The following FRMD5 variants were observed in gnomAD, a reference collection of about 807,000 sequenced individuals.
FRMD5 encodes FERM domain-containing protein 5.
A neutral mutation model predicts 69.0 loss-of-function variants in FRMD5; 20 were observed. The ratio of observed to expected loss-of-function variants is 0.29; its 90% CI spans 0.20 to 0.42. The LOEUF (loss-of-function observed/expected upper bound fraction) is 0.42, where lower values mean the gene tolerates loss of function less well. Ranked by LOEUF, FRMD5 falls within the 10% of genes least tolerant of loss-of-function variation. FRMD5 has a pLI of 1.00. For synonymous variants in FRMD5, 271 were observed against 260.1 expected, an observed-to-expected ratio of 1.04 and a Z score of -0.40; for missense variants, 595 against 708.6, an observed-to-expected ratio of 0.84 and a Z score of 1.82.
chr15:43,915,928 C>T (rs2089378526), intron 4 of FRMD5, among the ~76,000 whole-genome samples: 1 of 152,040 alleles, frequency 6.6e-6, no homozygotes, highest in Non-Finnish European at 1.5e-5. Flanking sequence ...GAGGCTGGGC[C>T]CGGTATCTCC....
At chr15:44,024,232 T>C (rs1891336090) in intron 1 of FRMD5, among the ~76,000 whole-genome samples, 1 of 152,118 alleles carries the variant, frequency 6.6e-6, no homozygotes, top group Non-Finnish European at 1.5e-5. Flanking sequence ...TTTTTTTTTA[T>C]GATTTTCGAC....
chr15:44,180,683 G>A (rs1466425118), intron 1 of FRMD5, among the ~76,000 whole-genome samples: 5 of 152,260 alleles, frequency 3.3e-5, no homozygotes, highest in South Asian at 2.1e-4. Context: ...TACTCAGGAG[G>A]CTGAGGCAGG....
intron 1 of FRMD5, among the ~76,000 whole-genome samples, chr15:44,177,725 T>G (rs369872386): frequency 6.6e-6 from 1 of 152,134 alleles, no homozygotes; most frequent in South Asian, 2.1e-4. Context: ...GTAAATTGTA[T>G]CTCAAAAAAG....
intron 1 of FRMD5, among the ~76,000 whole-genome samples, chr15:44,165,216 C>T (rs551528363): frequency 8.6e-5 from 13 of 152,010 alleles, no homozygotes; most frequent in Middle Eastern, 3.4e-3. Context: ...GTCAGGAGTT[C>T]GAGACCAGCC....
intron 8 of FRMD5, among the ~76,000 whole-genome samples, chr15:43,890,995 C>G (rs567084946): frequency 6.6e-6 from 1 of 152,282 alleles, no homozygotes; most frequent in Non-Finnish European, 1.5e-5. Flanking sequence ...CTCATGAGCT[C>G]TCCTGGAGAA....
At chr15:44,172,910 A>G (rs1337515312) in intron 1 of FRMD5, among the ~76,000 whole-genome samples, 2 of 152,214 alleles carry the variant, frequency 1.3e-5, no homozygotes, top group African/African-American at 4.8e-5. Flanking sequence ...CTTCCATTTC[A>G]CCAACATTGT....
intron 10 of FRMD5, among the ~76,000 whole-genome samples, chr15:43,887,322 T>G (rs1043557513): frequency 9.9e-5 from 15 of 152,178 alleles, no homozygotes; most frequent in Admixed American, 7.8e-4. Context: ...TGCTTCTCTC[T>G]AGGTTCAGGT....
At chr15:43,991,701 A>T (rs1376634714) in intron 1 of FRMD5, among the ~76,000 whole-genome samples, 1 of 152,170 alleles carries the variant, frequency 6.6e-6, no homozygotes, top group Admixed American at 6.6e-5. Flanking sequence ...TCTCGTCTCT[A>T]TTAAAAATCA....
Position 43,917,535 on chromosome 15 carries a change from C to T in FRMD5, c.329+1924G>A, listed in dbSNP as rs536107761. Among the ~76,000 whole-genome samples, 11 of 152,236 alleles carry T rather than the reference C, an allele frequency of 7.2e-5. No homozygotes were observed. In the South Asian group the frequency reaches 1.9e-3, roughly 26 times the overall value. On this transcript the variant is annotated intron_variant, in intron 4 of 13. Coordinates refer to ENST00000417257, the MANE Select transcript of FRMD5 (RefSeq NM_032892.5). ...CCTCCCGAGTAGCTGGGATTACAGG[C>T]GTGATGGCCCGGCTAATTTTTGTAT...
chr15:44,054,207 C>T (rs1046126233), intron 1 of FRMD5, among the ~76,000 whole-genome samples: 1 of 152,176 alleles, frequency 6.6e-6, no homozygotes, highest in Admixed American at 6.5e-5. Flanking sequence ...ACATGACAAA[C>T]AGTGTTGTTT....
chr15:43,940,158 G>A (rs956211722), intron 1 of FRMD5, among the ~76,000 whole-genome samples: 4 of 152,272 alleles, frequency 2.6e-5, no homozygotes, highest in Admixed American at 6.5e-5. Flanking sequence ...GAGCCTGGGC[G>A]ACAGGGCAAA....
intron 1 of FRMD5, among the ~76,000 whole-genome samples, chr15:43,940,799 G>A (rs1178497257): frequency 2.6e-5 from 4 of 152,140 alleles, no homozygotes; most frequent in African/African-American, 9.7e-5. Flanking sequence ...AATTAGGAAT[G>A]GAGGATAATT....
intron 1 of FRMD5, among the ~76,000 whole-genome samples, chr15:44,095,748 C>T (rs903122899): frequency 1.1e-4 from 17 of 152,132 alleles, no homozygotes; most frequent in African/African-American, 4.1e-4. Flanking sequence ...CAACTGGAAA[C>T]CCACTAAGAT....
intron 1 of FRMD5, among the ~76,000 whole-genome samples, chr15:43,946,544 A>T (rs1375428741): frequency 1.3e-5 from 2 of 152,218 alleles, no homozygotes; most frequent in Admixed American, 1.3e-4. Context: ...CCTCTGGGGT[A>T]TCTCTAACAT....
chr15:44,141,316 T>G (rs549342230), intron 1 of FRMD5, among the ~76,000 whole-genome samples: 1 of 152,174 alleles, frequency 6.6e-6, no homozygotes, highest in Non-Finnish European at 1.5e-5. Flanking sequence ...CAAGACAATT[T>G]GAAAGAAAAA....
intron 1 of FRMD5, among the ~76,000 whole-genome samples, chr15:43,951,216 C>T (rs927911816): frequency 1.3e-5 from 2 of 151,956 alleles, no homozygotes; most frequent in African/African-American, 2.4e-5. Context: ...GTCAGGAGAT[C>T]GAGACCATCC....
At position 44,049,340 on chromosome 15, in the gene FRMD5, A is replaced by C. The variant is rs553463224; in HGVS notation, c.103-125031T>G. Reference sequence around the variant, plus strand: ...AGCTTCAAAGTAGCTTAAAGAAATAAGGCACACAAGAGTATAAGTAACCCA... The same window carrying C: ...AGCTTCAAAGTAGCTTAAAGAAATACGGCACACAAGAGTATAAGTAACCCA... On this transcript the variant is annotated intron_variant, in intron 1 of 13. Transcript: ENST00000417257. 3.9e-5 allele frequency among the ~76,000 whole-genome samples: 6 copies of C among 152,328 alleles called. No individual in the cohort carries two copies. The East Asian group carries it at 1.2e-3, about 29-fold the overall frequency.
At chr15:44,164,953 G>A (rs1034834159) in intron 1 of FRMD5, among the ~76,000 whole-genome samples, 2 of 152,220 alleles carry the variant, frequency 1.3e-5, no homozygotes, top group African/African-American at 4.8e-5. Flanking sequence ...ATGTTCGGAG[G>A]TGGAGGCAGC....
intron 1 of FRMD5, among the ~76,000 whole-genome samples, chr15:44,001,293 T>G (rs1890200193): frequency 6.6e-6 from 1 of 152,190 alleles, no homozygotes; most frequent in African/African-American, 2.4e-5. Flanking sequence ...TCTCATATAT[T>G]TTGGATTTAA....
Sources: gnomAD v4.1 joint callset for allele counts (sites outside exome capture counted in the v4.1 genomes callset) on GRCh38, gnomAD v4.1.1 for gene constraint, MANE v1.5 for transcripts, NCBI Gene and HGNC (gene_info 2026-07-23, HGNC 2026-07-21) for gene names.